The following PTPRD variants were observed in gnomAD, a reference collection of about 807,000 sequenced individuals.
The protein encoded by PTPRD is receptor-type tyrosine-protein phosphatase delta.
PTPRD carries 34 observed loss-of-function variants against 214.5 expected under a neutral mutation model. The ratio of observed to expected loss-of-function variants is 0.16; its 90% CI spans 0.12 to 0.21. The LOEUF (loss-of-function observed/expected upper bound fraction) is 0.21, where lower values mean the gene tolerates loss of function less well. Among genes scored for constraint, PTPRD ranks in the 10% least tolerant of loss-of-function variants. PTPRD has a pLI of 1.00. For missense variants in PTPRD, 2,545 were observed against 2,398.7 expected (o/e 1.06, Z -1.27); for synonymous variants, 1,128 against 845.7 (o/e 1.33, Z -5.79).
At chr9:8,882,794 A>G in intron 11 of PTPRD, among the ~76,000 whole-genome samples, 1 of 150,204 alleles carries the variant, frequency 6.7e-6, no homozygotes, top group Admixed American at 6.7e-5. Flanking sequence ...CTGAGGCAGG[A>G]GAATCAGGTG....
chr9:10,411,322 T>A (rs1323506), intron 2 of PTPRD, among the ~76,000 whole-genome samples: 4,583 of 151,900 alleles, frequency 0.03, 131 homozygotes, highest in East Asian at 0.097. Flanking sequence ...AGTAAAGGAA[T>A]TATAACTTGT....
chr9:8,981,328 CTAAA>C (rs1244230479), intron 11 of PTPRD, among the ~76,000 whole-genome samples: 5 of 151,898 alleles, frequency 3.3e-5, no homozygotes, highest in Admixed American at 1.3e-4. Flanking sequence ...TGTCTACACA[CTAAA>C]TAAAGGATTG....
At chr9:9,402,258 G>T (rs1454839268) in intron 8 of PTPRD, among the ~76,000 whole-genome samples, 5 of 152,032 alleles carry the variant, frequency 3.3e-5, no homozygotes, top group African/African-American at 1.2e-4. Flanking sequence ...AAGTGGAAAT[G>T]GTTAATATGC....
At chr9:9,961,441 A>T (rs1410309199) in intron 4 of PTPRD, among the ~76,000 whole-genome samples, 1 of 152,188 alleles carries the variant, frequency 6.6e-6, no homozygotes, top group Admixed American at 6.5e-5. Context: ...TTTGAACATT[A>T]ATTTAATATG....
chr9:9,205,344 C>T (rs535345250), intron 9 of PTPRD, among the ~76,000 whole-genome samples: 3 of 152,228 alleles, frequency 2.0e-5, no homozygotes, highest in Admixed American at 6.5e-5. Context: ...CACCAGTTCA[C>T]ATTTAACTAC....
chr9:8,725,732 A>C (rs1387977763), intron 12 of PTPRD, among the ~76,000 whole-genome samples: 3 of 152,196 alleles, frequency 2.0e-5, no homozygotes, highest in Non-Finnish European at 2.9e-5. Context: ...TGCTATATTT[A>C]TCTTCATTTT....
At chr9:8,552,380 T>C (rs968917165) in intron 14 of PTPRD, among the ~76,000 whole-genome samples, 5 of 152,220 alleles carry the variant, frequency 3.3e-5, no homozygotes, top group Admixed American at 2.6e-4. Context: ...GAGAGAGTTT[T>C]TGACAGAGTA....
intron 5 of PTPRD, among the ~76,000 whole-genome samples, chr9:9,831,377 A>C (rs950109943): frequency 6.6e-6 from 1 of 151,978 alleles, no homozygotes; most frequent in African/African-American, 2.4e-5. Context: ...TTTTAATGTC[A>C]GCTGAATTCA....
chr9:8,388,862 AAG>A (rs2088272800), intron 37 of PTPRD, among the ~76,000 whole-genome samples: 1 of 152,188 alleles, frequency 6.6e-6, no homozygotes, highest in Non-Finnish European at 1.5e-5. Flanking sequence ...AAAATAGTGG[AAG>A]TACATATTGG....
chr9:8,581,943 G>C lies in PTPRD; in HGVS notation c.352+51374C>G, dbSNP rs576791508. On this transcript the variant is annotated intron_variant, in intron 14 of 45. Transcript: ENST00000381196. ...AAAAAAAAAAAAAAAAAAAAAAAAA[G>C]AGGGAAAAAAAGGAGGACAGAGCTA... Among the ~76,000 whole-genome samples the C allele has an allele frequency of 3.9e-3, 343 of 88,034 alleles. 4 individuals are homozygous for C. The highest frequency in any genetic ancestry group is 6.4e-3 in the Non-Finnish European group (276 of 43,090). The allele number at this position is 88,034 out of a possible 152,430, so 57.8% of individuals were successfully genotyped here. A position where few individuals can be genotyped will look rare whatever the true frequency, so the allele number is the denominator to read the frequency against.
intron 9 of PTPRD, among the ~76,000 whole-genome samples, chr9:9,206,551 G>A (rs941294829): frequency 6.6e-6 from 1 of 152,196 alleles, no homozygotes; most frequent in Non-Finnish European, 1.5e-5. Flanking sequence ...AGTGGACTAG[G>A]AGAGGCAGAC....
chr9:10,330,150 A>G (rs539037317), intron 3 of PTPRD, among the ~76,000 whole-genome samples: 1 of 151,900 alleles, frequency 6.6e-6, no homozygotes, highest in South Asian at 2.1e-4. Flanking sequence ...GGAAACTTAA[A>G]TACTTTTCTA....
At chr9:10,101,262 G>A (rs2098549218) in intron 3 of PTPRD, among the ~76,000 whole-genome samples, 1 of 151,622 alleles carries the variant, frequency 6.6e-6, no homozygotes, top group African/African-American at 2.4e-5. Flanking sequence ...TGAAAGTAAG[G>A]AATGAAGGTG....
At chr9:9,616,976 G>A (rs868800832) in intron 7 of PTPRD, among the ~76,000 whole-genome samples, 1 of 151,938 alleles carries the variant, frequency 6.6e-6, no homozygotes, top group Non-Finnish European at 1.5e-5. Context: ...TTACTCTGTG[G>A]GCTAACTCTT....
intron 12 of PTPRD, among the ~76,000 whole-genome samples, chr9:8,695,226 G>A (rs1260438374): frequency 6.6e-6 from 1 of 152,098 alleles, no homozygotes; most frequent in Non-Finnish European, 1.5e-5. Flanking sequence ...CCAATCTTGT[G>A]AGTAAATAAA....
intron 10 of PTPRD, among the ~76,000 whole-genome samples, chr9:9,163,580 G>A (rs7047272): frequency 8.1e-4 from 121 of 149,818 alleles, no homozygotes; most frequent in African/African-American, 2.2e-3. Context: ...CTTTTTTCCC[G>A]TCAAAATCTC....
intron 2 of PTPRD, among the ~76,000 whole-genome samples, chr9:10,598,671 T>A (rs12551753): frequency 9.9e-6 from 1 of 101,272 alleles, no homozygotes. Flanking sequence ...TTTTTATATA[T>A]GTATGTGTGT....
intron 2 of PTPRD, among the ~76,000 whole-genome samples, chr9:10,371,141 C>A (rs2097606035): frequency 6.6e-6 from 1 of 151,668 alleles, no homozygotes; most frequent in Non-Finnish European, 1.5e-5. Context: ...CTCCATTTTT[C>A]TAAATTATAG....
intron 11 of PTPRD, among the ~76,000 whole-genome samples, chr9:8,909,481 A>G (rs1305877106): frequency 6.6e-6 from 1 of 152,172 alleles, no homozygotes; most frequent in Non-Finnish European, 1.5e-5. Context: ...AAGCCTTGAC[A>G]GACAAAAGGG....
Sources: allele counts gnomAD v4.1 joint callset (sites outside exome capture counted in the v4.1 genomes callset), GRCh38; gene constraint gnomAD v4.1.1; transcripts MANE v1.5; gene names NCBI Gene and HGNC (gene_info 2026-07-23, HGNC 2026-07-21).